Variants in MAP2K6 observed in about 807,000 individuals in gnomAD.
MAP2K6 encodes the protein mitogen-activated protein kinase kinase 6, also known as dual specificity mitogen-activated protein kinase kinase 6.
MAP2K6 carries 16 observed loss-of-function variants against 53.7 expected under a neutral mutation model. The observed-to-expected ratio is 0.30, with a 90% CI of 0.20 to 0.45. MAP2K6 has a LOEUF of 0.45. Among genes scored for constraint, MAP2K6 ranks in the 20% least tolerant of loss-of-function variants. MAP2K6 has a pLI of 1.00. For synonymous variants in MAP2K6, 132 were observed against 143.1 expected (o/e 0.92, Z 0.55); for missense variants, 204 against 411.9 (o/e 0.50, Z 4.37).
At chr17:69,503,368 T>C (rs1474442509) in intron 1 of MAP2K6, among the ~76,000 whole-genome samples, 1 of 152,216 alleles carries the variant, frequency 6.6e-6, no homozygotes, top group Non-Finnish European at 1.5e-5. Context: ...CCTAGCATAG[T>C]TCCTGGTACA....
chr17:69,438,850 G>C (rs1303293922), intron 1 of MAP2K6, among the ~76,000 whole-genome samples: 1 of 152,186 alleles, frequency 6.6e-6, no homozygotes, highest in African/African-American at 2.4e-5. Context: ...CTCCCAAAGT[G>C]CTGGGATTGC....
chr17:69,505,647 G>A lies in MAP2K6; in HGVS notation c.17-133G>A, dbSNP rs542090758. 10 of 719,022 alleles carry A rather than the reference G, an allele frequency of 1.4e-5. No individual in the cohort carries two copies. The East Asian group carries it at 2.7e-4, about 19-fold the overall frequency. The allele number at this position is 719,022 out of a possible 1,614,324, so 44.5% of individuals were successfully genotyped here. A position where few individuals can be genotyped will look rare whatever the true frequency, so the allele number is the denominator to read the frequency against. On this transcript the variant is annotated intron_variant, in intron 1 of 11. Coordinates refer to ENST00000590474, the MANE Select transcript of MAP2K6 (RefSeq NM_002758.4). ...TTCTTAACACTCACAGACTTCCTGG[G>A]TAGGAAGTGGCGCTTTGAATGGAGA...
intron 1 of MAP2K6, among the ~76,000 whole-genome samples, chr17:69,454,124 GT>G (rs1907321200): frequency 6.6e-6 from 1 of 152,168 alleles, no homozygotes; most frequent in Non-Finnish European, 1.5e-5. Context: ...CTTTGTTGTG[GT>G]TTGGTAGGAG....
rs1230834033 is a variant in MAP2K6 at position 69,449,561 on chromosome 17, ATTTCTTTCTTTC to A, written c.16+34581_16+34592del. Among the ~76,000 whole-genome samples the A allele has an allele frequency of 9.1e-4, 93 of 102,088 alleles. 1 individual carries two copies. The highest frequency in any genetic ancestry group is 4.2e-3 in the Admixed American group (41 of 9,674). 67.0% of individuals were successfully genotyped at this position (102,088 alleles called of 152,430 possible). A position where few individuals can be genotyped will look rare whatever the true frequency, so the allele number is the denominator to read the frequency against. On this transcript the variant is annotated intron_variant, in intron 1 of 11. Coordinates refer to ENST00000590474, the MANE Select transcript of MAP2K6 (RefSeq NM_002758.4). ...TCTTTCTTTCTTTCTTTCTTTCTTT[ATTTCTTTCTTTC>A]TTTCTTTCTTTCTTTCTTTTTCTTT...
chr17:69,500,219 A>C (rs1222080102), intron 1 of MAP2K6, among the ~76,000 whole-genome samples: 2 of 151,430 alleles, frequency 1.3e-5, no homozygotes, highest in African/African-American at 2.4e-5. Context: ...GCGGGCGGAT[A>C]ACCTGAGGTC....
chr17:69,449,856 G>A (rs1907149768), intron 1 of MAP2K6, among the ~76,000 whole-genome samples: 1 of 150,694 alleles, frequency 6.6e-6, no homozygotes, highest in South Asian at 2.1e-4. Flanking sequence ...CTCGTGATCC[G>A]CCCGCCTCGG....
intron 4 of MAP2K6, 32 bp from the exon 5 acceptor site, chr17:69,519,281 T>C (rs779405300): frequency 1.2e-6 from 2 of 1,607,756 alleles, no homozygotes; most frequent in East Asian, 2.2e-5. Context: ...CTCAGAGTAG[T>C]AACCATAAAT....
intron 3 of MAP2K6, among the ~76,000 whole-genome samples, chr17:69,517,285 C>T (rs75181479): frequency 1.2e-3 from 177 of 152,032 alleles, no homozygotes; most frequent in African/African-American, 4.1e-3. Flanking sequence ...TCTGTGTTGC[C>T]TGGGACAAGC....
intron 1 of MAP2K6, among the ~76,000 whole-genome samples, chr17:69,501,241 G>A (rs922339959): frequency 6.6e-6 from 1 of 152,052 alleles, no homozygotes; most frequent in Admixed American, 6.6e-5. Context: ...CCCAACCCTC[G>A]GCCAAGCTAA....
rs114553805 is a variant in MAP2K6, at chr17:69,419,977, C to T, written c.16+4977C>T. Among the ~76,000 whole-genome samples, 927 of 151,566 alleles carry T rather than the reference C, an allele frequency of 6.1e-3. 10 individuals are homozygous for T. Among genetic ancestry groups the T allele is most frequent in the African/African-American group, 0.021 (875 of 41,308 alleles). On this transcript the variant is annotated intron_variant, in intron 1 of 11. Coordinates refer to ENST00000590474, the MANE Select transcript of MAP2K6 (RefSeq NM_002758.4). ...ATTTTCAAAGTTAGCCAGAAAATAG[C>T]AATATTGTAGAGGTTAGGTAATCCT...
intron 7 of MAP2K6, chr17:69,521,329 A>G (rs1039427806): frequency 3.8e-5 from 16 of 415,706 alleles, no homozygotes; most frequent in Non-Finnish European, 5.5e-5. Context: ...CAAATTGAAT[A>G]TAAACACTTG....
intron 10 of MAP2K6, among the ~76,000 whole-genome samples, chr17:69,529,278 G>A (rs947888504): frequency 2.0e-5 from 3 of 152,020 alleles, no homozygotes; most frequent in Admixed American, 6.5e-5. Context: ...GTACAGCTGC[G>A]GTGATAACCC....
At chr17:69,449,331 G>C (rs866870653) in intron 1 of MAP2K6, among the ~76,000 whole-genome samples, 61 of 151,606 alleles carry the variant, frequency 4.0e-4, no homozygotes, top group Middle Eastern at 3.5e-3. Flanking sequence ...TATATGTAAA[G>C]GCTTTAAAAA....
intron 1 of MAP2K6, among the ~76,000 whole-genome samples, chr17:69,481,155 C>G (rs1188430750): frequency 6.6e-6 from 1 of 152,078 alleles, no homozygotes; most frequent in Admixed American, 6.5e-5. Flanking sequence ...TTTTTTCCCC[C>G]TCCTCCAGCC....
intron 10 of MAP2K6, among the ~76,000 whole-genome samples, chr17:69,529,014 C>T (rs1910939375): frequency 6.6e-6 from 1 of 152,074 alleles, no homozygotes; most frequent in Admixed American, 6.6e-5. Flanking sequence ...ATCCCCTTTT[C>T]CCAAGATTCT....
intron 1 of MAP2K6, among the ~76,000 whole-genome samples, chr17:69,472,847 C>T (rs1332400267): frequency 3.3e-5 from 5 of 152,212 alleles, no homozygotes; most frequent in East Asian, 3.9e-4. Flanking sequence ...CACAGGCATG[C>T]GCCACCATGC....
At chr17:69,421,836 C>T (rs568244258) in intron 1 of MAP2K6, among the ~76,000 whole-genome samples, 2 of 152,196 alleles carry the variant, frequency 1.3e-5, no homozygotes, top group South Asian at 4.2e-4. Context: ...AGCCACCACG[C>T]CCGGCCCAGA....
intron 1 of MAP2K6, among the ~76,000 whole-genome samples, chr17:69,467,189 T>C (rs1907842465): frequency 6.6e-6 from 1 of 152,060 alleles, no homozygotes; most frequent in Non-Finnish European, 1.5e-5. Flanking sequence ...AATAAAGGGG[T>C]CTCTATATAA....
At chr17:69,530,976 G>GTAAC (rs1183539458) in intron 10 of MAP2K6, among the ~76,000 whole-genome samples, 3 of 151,884 alleles carry the variant, frequency 2.0e-5, no homozygotes, top group Non-Finnish European at 4.4e-5. Flanking sequence ...CCCTGTGCAC[G>GTAAC]TAACTCCCCT....
Sources: allele counts gnomAD v4.1 joint callset (sites outside exome capture counted in the v4.1 genomes callset), GRCh38; gene constraint gnomAD v4.1.1; transcripts MANE v1.5; gene names NCBI Gene and HGNC (gene_info 2026-07-23, HGNC 2026-07-21).